MECOM: variants seen among roughly 807,000 people sequenced by gnomAD.
MECOM encodes the protein histone-lysine N-methyltransferase MECOM.
Under a neutral mutation model 116.3 loss-of-function variants are expected in MECOM, and 13 were observed. The observed-to-expected ratio is 0.11, with a 90% confidence interval of 0.07 to 0.18. MECOM has a LOEUF of 0.18. Among genes scored for constraint, MECOM ranks in the 10% least tolerant of loss-of-function variants. The probability of loss-of-function intolerance (pLI) is 1.00; values close to 1 mark genes in which losing one functional copy is unlikely to be tolerated. For missense variants in MECOM, 1,299 were observed against 1,509.0 expected (o/e 0.86, Z 2.31); for synonymous variants, 528 against 535.2 (o/e 0.99, Z 0.19).
At chr3:169,328,757 C>T (rs1432671967) in intron 2 of MECOM, among the ~76,000 whole-genome samples, 1 of 152,094 alleles carries the variant, frequency 6.6e-6, no homozygotes, top group Non-Finnish European at 1.5e-5. Context: ...GGGCCTCGCT[C>T]CCAACTTCAG....
chr3:169,311,266 C>A (rs1281822679), intron 2 of MECOM, among the ~76,000 whole-genome samples: 2 of 152,060 alleles, frequency 1.3e-5, no homozygotes, highest in African/African-American at 4.8e-5. Context: ...ATAAGGCTTG[C>A]ACTGTGATAC....
At chr3:169,282,450 G>A (rs1712282515) in intron 2 of MECOM, among the ~76,000 whole-genome samples, 1 of 152,122 alleles carries the variant, frequency 6.6e-6, no homozygotes, top group Non-Finnish European at 1.5e-5. Flanking sequence ...CTGTGTCAGG[G>A]TCTTTTATAA....
At chr3:169,145,296 T>C (rs1329927623) in intron 2 of MECOM, 1 of 398,820 alleles carries the variant, frequency 2.5e-6, no homozygotes, top group East Asian at 3.8e-5. Flanking sequence ...TCTAAAAATT[T>C]GTTATCAATA....
chr3:169,583,781 T>C (rs1765408467), intron 1 of MECOM, among the ~76,000 whole-genome samples: 1 of 151,928 alleles, frequency 6.6e-6, no homozygotes, highest in Non-Finnish European at 1.5e-5. Context: ...TTTTTTTTTT[T>C]TTTTTAAGAA....
chr3:169,592,638 C>T (rs1176315201), intron 1 of MECOM, among the ~76,000 whole-genome samples: 1 of 152,152 alleles, frequency 6.6e-6, no homozygotes, highest in Non-Finnish European at 1.5e-5. Context: ...ATTCTTTCCA[C>T]GTAGGGCACA....
chr3:169,407,819 T>C (rs1411630649), intron 1 of MECOM, among the ~76,000 whole-genome samples: 1 of 152,192 alleles, frequency 6.6e-6, no homozygotes, highest in Non-Finnish European at 1.5e-5. Flanking sequence ...CTTTATATTG[T>C]TATATGTAAT....
At chr3:169,449,913 T>C (rs962388964) in intron 1 of MECOM, among the ~76,000 whole-genome samples, 12 of 152,204 alleles carry the variant, frequency 7.9e-5, no homozygotes, top group African/African-American at 2.9e-4. Context: ...GTAAGAATAT[T>C]GTAGAAAGAT....
intron 2 of MECOM, among the ~76,000 whole-genome samples, chr3:169,342,552 T>C (rs1204230362): frequency 6.6e-6 from 1 of 152,188 alleles, no homozygotes; most frequent in Admixed American, 6.5e-5. Context: ...TTTTGAGAAC[T>C]ACTCTATATA....
At chr3:169,506,670 A>T (rs936253896) in intron 1 of MECOM, among the ~76,000 whole-genome samples, 1 of 152,312 alleles carries the variant, frequency 6.6e-6, no homozygotes, top group South Asian at 2.1e-4. Flanking sequence ...TATTTAGGGC[A>T]CCAAAATTAA....
At chr3:169,329,527 C>T (rs1184661089) in intron 2 of MECOM, among the ~76,000 whole-genome samples, 2 of 152,108 alleles carry the variant, frequency 1.3e-5, no homozygotes, top group Non-Finnish European at 2.9e-5. Flanking sequence ...AAGACGTGCC[C>T]TTAATTCTTA....
rs550898402 is a variant in MECOM, at chr3:169,504,622, C to G, written c.38-123098G>C. On this transcript the variant is annotated intron_variant, in intron 1 of 16. Coordinates refer to ENST00000651503, the MANE Select transcript of MECOM (RefSeq NM_004991.4). ...ATACTGTATCATTTGTTTCCATACC[C>G]AACAAAATTGTATCTTCCACCAACC... Among the ~76,000 whole-genome samples the G allele has an allele frequency of 5.3e-5, 8 of 152,130 alleles. No individual in the cohort carries two copies. The East Asian group carries it at 1.5e-3, about 29-fold the overall frequency.
rs111463939 is a variant in MECOM at position 169,525,029 on chromosome 3, A to G, written c.37+138307T>C. On this transcript the variant is annotated intron_variant, in intron 1 of 16. Transcript: ENST00000651503. ...AATCTGTCCCTGATAAGATATTCCA[A>G]ATTCAAATCTTTCTCTAATCTTCCT... Among the ~76,000 whole-genome samples the G allele has an allele frequency of 3.6e-3, 554 of 152,288 alleles. 4 individuals are homozygous for G. Among genetic ancestry groups the G allele is most frequent in the African/African-American group, 0.013 (536 of 41,568 alleles).
intron 1 of MECOM, among the ~76,000 whole-genome samples, chr3:169,591,579 G>T (rs1052598894): frequency 2.6e-5 from 4 of 152,124 alleles, no homozygotes; most frequent in African/African-American, 9.7e-5. Flanking sequence ...TTCTGTCTGA[G>T]TCCAAAGCCC....
intron 2 of MECOM, among the ~76,000 whole-genome samples, chr3:169,333,055 T>C (rs532417090): frequency 2.4e-4 from 37 of 152,230 alleles, no homozygotes; most frequent in Non-Finnish European, 4.6e-4. Flanking sequence ...TTTCACTTTA[T>C]GAAATTTAAA....
In MECOM at chr3:169,116,042, C is replaced by G; in HGVS notation, c.1830G>C (p.Glu610Asp). ...DLESDIESDK[E>D]KFKENGKMFK... is the part of the protein sequence containing the mutation. ...ACATTTTACCATTTTCTTTAAATTT[C>G]TCTTTATCACTTTCAATGTCACTTT... is the stretch of plus-strand genomic sequence containing the variant. Residue 610 changes from glutamate (E) to aspartate (D), a missense_variant, in exon 8 of 17, where the codon GAG becomes GAC. Transcript: ENST00000651503. The G allele has an allele frequency of 6.2e-7, 1 of 1,614,080 alleles. No individual in the cohort carries two copies. The highest frequency in any genetic ancestry group is 8.5e-7 in the Non-Finnish European group (1 of 1,180,004).
intron 9 of MECOM, among the ~76,000 whole-genome samples, chr3:169,110,556 G>A (rs574482097): frequency 5.3e-5 from 8 of 152,142 alleles, no homozygotes; most frequent in African/African-American, 1.7e-4. Flanking sequence ...TGTAATAGTC[G>A]GTAAATAGCC....
At chr3:169,094,128 G>C (rs1351456685) in intron 13 of MECOM, among the ~76,000 whole-genome samples, 2 of 152,112 alleles carry the variant, frequency 1.3e-5, no homozygotes, top group Non-Finnish European at 2.9e-5. Context: ...CTTTGAGGGA[G>C]ACGAACAGTA....
intron 1 of MECOM, among the ~76,000 whole-genome samples, chr3:169,511,710 A>G (rs1436090732): frequency 6.6e-6 from 1 of 152,018 alleles, no homozygotes; most frequent in Non-Finnish European, 1.5e-5. Flanking sequence ...CGGAGGTTGT[A>G]GTGAGCCGAG....
At chr3:169,520,990 A>G (rs1172009133) in intron 1 of MECOM, among the ~76,000 whole-genome samples, 1 of 152,208 alleles carries the variant, frequency 6.6e-6, no homozygotes, top group East Asian at 1.9e-4. Context: ...AAGCATATAC[A>G]CAAGGTCTGT....
Sources: allele counts gnomAD v4.1 joint callset (sites outside exome capture counted in the v4.1 genomes callset), GRCh38; gene constraint gnomAD v4.1.1; transcripts MANE v1.5; gene names NCBI Gene and HGNC (gene_info 2026-07-23, HGNC 2026-07-21).